MBD5: variants seen among roughly 807,000 people sequenced by gnomAD.
The protein encoded by MBD5 is methyl-CpG binding domain protein 5, also known as methyl-CpG-binding domain protein 5.
Under a neutral mutation model 117.3 loss-of-function variants are expected in MBD5, and 13 were observed. The observed-to-expected ratio is 0.11, with a 90% CI of 0.07 to 0.18. The LOEUF (loss-of-function observed/expected upper bound fraction) is 0.18. Ranked by LOEUF, MBD5 falls within the 10% of genes least tolerant of loss-of-function variation. MBD5 has a pLI of 1.00. For synonymous variants in MBD5, 727 were observed against 766.4 expected, an observed-to-expected ratio of 0.95 and a Z score of 0.85; for missense variants, 1,879 against 2,093.8, an observed-to-expected ratio of 0.90 and a Z score of 2.00.
At chr2:148,409,941 C>G (rs1447410314) in intron 4 of MBD5, among the ~76,000 whole-genome samples, 2 of 152,076 alleles carry the variant, frequency 1.3e-5, no homozygotes, top group Admixed American at 6.5e-5. Flanking sequence ...ATTATTCATT[C>G]CCCAACTAAT....
At chr2:148,294,514 T>TGTTTTTTTTTTTTTTTTTTG (rs796734529) in intron 3 of MBD5, among the ~76,000 whole-genome samples, 2 of 138,690 alleles carry the variant, frequency 1.4e-5, no homozygotes, top group South Asian at 2.3e-4. Flanking sequence ...TTTTTTTTTT[T>TGTTTTTTTTTTTTTTTTTTG]TTTTTTTGAG....
In MBD5 at chr2:148,485,575, C is replaced by T. The variant is rs546799851; in HGVS notation, c.3545-167C>T. 228 of 615,888 alleles carry T rather than the reference C, an allele frequency of 3.7e-4. No homozygotes were observed. In the African/African-American group the frequency reaches 3.8e-3, roughly 10 times the overall value. 38.2% of individuals were successfully genotyped at this position (615,888 alleles called of 1,614,324 possible). ...TACAAGATAAAACTAAATAATAAAGCTACTCTTTCCTTACCACTTAGTAAG... is the reference window on the plus strand; with the variant it reads ...TACAAGATAAAACTAAATAATAAAGTTACTCTTTCCTTACCACTTAGTAAG... On this transcript the variant is annotated intron_variant, in intron 9 of 13. Coordinates refer to ENST00000642680, the MANE Select transcript of MBD5 (RefSeq NM_001378120.1).
At chr2:148,303,787 C>G (rs1285468516) in intron 3 of MBD5, among the ~76,000 whole-genome samples, 1 of 152,082 alleles carries the variant, frequency 6.6e-6, no homozygotes, top group Non-Finnish European at 1.5e-5. Flanking sequence ...TTTGCTCACT[C>G]TGAATAGATT....
In MBD5 at chr2:148,228,288, A is replaced by G. The variant is rs561658608; in HGVS notation, c.-830-4957A>G. Among the ~76,000 whole-genome samples, 567 of 152,304 alleles carry G rather than the reference A, an allele frequency of 3.7e-3. 3 individuals are homozygous for G. The highest frequency in any genetic ancestry group is 0.013 in the African/African-American group (527 of 41,566). On this transcript the variant is annotated intron_variant, in intron 2 of 13. Transcript: ENST00000642680. ...TTATTATTTTGAGATACGTCCCATC[A>G]ATCCCTAATTTATTGAGAGTTTTTA...
chr2:148,351,288 G>A (rs1038047968), intron 4 of MBD5, among the ~76,000 whole-genome samples: 1 of 151,852 alleles, frequency 6.6e-6, no homozygotes, highest in African/African-American at 2.4e-5. Flanking sequence ...CCAGTCCCAG[G>A]CAGGCAACCA....
intron 1 of MBD5, among the ~76,000 whole-genome samples, chr2:148,048,044 T>A (rs1469543256): frequency 6.6e-6 from 1 of 152,234 alleles, no homozygotes; most frequent in African/African-American, 2.4e-5. Flanking sequence ...ATTTATTCAT[T>A]GTTCTTTCCC....
At chr2:148,113,357 AAAACTT>A (rs1696547325) in intron 1 of MBD5, among the ~76,000 whole-genome samples, 1 of 152,176 alleles carries the variant, frequency 6.6e-6, no homozygotes, top group African/African-American at 2.4e-5. Context: ...TACCTTGTCA[AAAACTT>A]TTTTTTTAAC....
At chr2:148,050,313 GC>G (rs1419084188) in intron 1 of MBD5, among the ~76,000 whole-genome samples, 1 of 151,968 alleles carries the variant, frequency 6.6e-6, no homozygotes, top group East Asian at 1.9e-4. Flanking sequence ...GTGCTTATTA[GC>G]CATTTGCATA....
chr2:148,494,315 C>T (rs1681627004), intron 11 of MBD5, among the ~76,000 whole-genome samples: 1 of 152,106 alleles, frequency 6.6e-6, no homozygotes, highest in African/African-American at 2.4e-5. Context: ...TGATTATAAG[C>T]TAGTGTTAGC....
chr2:148,182,467 A>G (rs1413773584), intron 2 of MBD5, among the ~76,000 whole-genome samples: 1 of 152,176 alleles, frequency 6.6e-6, no homozygotes, highest in Non-Finnish European at 1.5e-5. Context: ...TTTGGAATCT[A>G]TATTTTTAAG....
intron 4 of MBD5, among the ~76,000 whole-genome samples, chr2:148,421,036 T>C (rs1022743938): frequency 1.3e-5 from 2 of 152,198 alleles, no homozygotes; most frequent in African/African-American, 2.4e-5. Flanking sequence ...TGAAAAGTGG[T>C]GCTCTGCTAG....
Position 148,131,153 on chromosome 2 carries a change from A to C in MBD5, c.-924-47547A>C, listed in dbSNP as rs547210688. On this transcript the variant is annotated intron_variant, in intron 1 of 13. Coordinates refer to ENST00000642680, the MANE Select transcript of MBD5 (RefSeq NM_001378120.1). ...TGTCCATATTCTAAGATAGAAATTA[A>C]TGAGGGCTTACTAGTTTGAAAGCAC... Among the ~76,000 whole-genome samples, 59 of 152,348 alleles carry C rather than the reference A, an allele frequency of 3.9e-4. 1 individual carries two copies. In the East Asian group the frequency reaches 6.9e-3, roughly 18 times the overall value.
At chr2:148,280,151 C>CAAAAAAAAAAAAAAAAAAAAAA (rs1474298212) in intron 3 of MBD5, among the ~76,000 whole-genome samples, 5 of 92,608 alleles carry the variant, frequency 5.4e-5, no homozygotes, top group Admixed American at 1.1e-4. Context: ...AAAAAAAAAA[C>CAAAAAAAAAAAAAAAAAAAAAA]AAAAAGAAAA....
intron 4 of MBD5, among the ~76,000 whole-genome samples, chr2:148,396,683 T>G (rs1704724511): frequency 6.6e-6 from 1 of 152,182 alleles, no homozygotes. Flanking sequence ...GGCTTCCAGT[T>G]GGGTTTGGCC....
chr2:148,430,049 T>C (rs1705935974), intron 4 of MBD5, among the ~76,000 whole-genome samples: 1 of 152,168 alleles, frequency 6.6e-6, no homozygotes, highest in Admixed American at 6.6e-5. Context: ...TTTTTGGCAA[T>C]AACATTTTCT....
At chr2:148,446,392 T>C (rs904715032) in intron 4 of MBD5, among the ~76,000 whole-genome samples, 1 of 152,018 alleles carries the variant, frequency 6.6e-6, no homozygotes, top group African/African-American at 2.4e-5. Flanking sequence ...AGGAAGGTGA[T>C]ATCCAAAAAC....
At chr2:148,323,133 A>G (rs1185851527) in intron 3 of MBD5, among the ~76,000 whole-genome samples, 1 of 151,884 alleles carries the variant, frequency 6.6e-6, no homozygotes, top group Non-Finnish European at 1.5e-5. Flanking sequence ...ACTGAGAATG[A>G]TGATTTCCAA....
chr2:148,265,780 T>A (rs926295743), intron 3 of MBD5, among the ~76,000 whole-genome samples: 1 of 152,188 alleles, frequency 6.6e-6, no homozygotes, highest in African/African-American at 2.4e-5. Context: ...TCATTTCTTT[T>A]ATTTGTTCAA....
intron 3 of MBD5, among the ~76,000 whole-genome samples, chr2:148,298,616 C>G (rs1349476867): frequency 6.6e-6 from 1 of 152,180 alleles, no homozygotes; most frequent in Non-Finnish European, 1.5e-5. Flanking sequence ...AGAAGTGAGT[C>G]TGGGCTATTA....
Sources: gnomAD v4.1 joint callset for allele counts (sites outside exome capture counted in the v4.1 genomes callset) on GRCh38, gnomAD v4.1.1 for gene constraint, MANE v1.5 for transcripts, NCBI Gene and HGNC (gene_info 2026-07-23, HGNC 2026-07-21) for gene names.